TMEM132C: variants seen among roughly 807,000 people sequenced by gnomAD.
The protein encoded by TMEM132C is protein phosphatase 1, regulatory subunit 152.
Under a neutral mutation model 61.4 loss-of-function variants are expected in TMEM132C, and 29 were observed. The ratio of observed to expected loss-of-function variants is 0.47; its 90% confidence interval spans 0.35 to 0.64. The LOEUF (loss-of-function observed/expected upper bound fraction) is 0.64. TMEM132C is among the 30% of genes least tolerant of loss of function. The pLI is 0.00. For synonymous variants in TMEM132C, 656 were observed against 633.1 expected, an observed-to-expected ratio of 1.04 and a Z score of -0.54; for missense variants, 1,408 against 1,476.9, an observed-to-expected ratio of 0.95 and a Z score of 0.76.
intron 2 of TMEM132C, among the ~76,000 whole-genome samples, chr12:128,447,704 G>GTTTTT: frequency 2.2e-5 from 2 of 90,946 alleles, no homozygotes; most frequent in African/African-American, 1.3e-4. Flanking sequence ...TATTTCAAGT[G>GTTTTT]CTTTTTTTTT....
intron 1 of TMEM132C, among the ~76,000 whole-genome samples, chr12:128,300,688 T>C (rs1265388768): frequency 6.6e-6 from 1 of 152,146 alleles, no homozygotes; most frequent in Non-Finnish European, 1.5e-5. Context: ...CCTAGAAATA[T>C]GGAATCTTGG....
intron 1 of TMEM132C, among the ~76,000 whole-genome samples, chr12:128,299,622 T>C (rs1469405839): frequency 6.6e-6 from 1 of 152,186 alleles, no homozygotes; most frequent in East Asian, 1.9e-4. Context: ...AAATTTGAAA[T>C]TTGAAAACAA....
intron 4 of TMEM132C, among the ~76,000 whole-genome samples, chr12:128,659,970 C>A (rs924062341): frequency 6.6e-6 from 1 of 152,230 alleles, no homozygotes; most frequent in African/African-American, 2.4e-5. Context: ...CTCCACCGCG[C>A]TGCTGGCTTT....
chr12:128,380,755 A>AG (rs1233032635), intron 1 of TMEM132C, among the ~76,000 whole-genome samples: 2 of 152,246 alleles, frequency 1.3e-5, no homozygotes, highest in East Asian at 1.9e-4. Context: ...TTTAAAAAAA[A>AG]GAGTGTTTTA....
intron 2 of TMEM132C, among the ~76,000 whole-genome samples, chr12:128,516,371 A>G (rs866339132): frequency 2.2e-4 from 33 of 152,158 alleles, no homozygotes; most frequent in South Asian, 6.2e-4. Flanking sequence ...TGCACCAAGG[A>G]CTAAGCACTG....
At chr12:128,605,160 T>C (rs1433375952) in intron 3 of TMEM132C, among the ~76,000 whole-genome samples, 3 of 151,988 alleles carry the variant, frequency 2.0e-5, no homozygotes, top group African/African-American at 7.3e-5. Flanking sequence ...GATACATAGA[T>C]AATGAGGAGT....
intron 5 of TMEM132C, among the ~76,000 whole-genome samples, chr12:128,686,750 C>T (rs1237147880): frequency 6.6e-6 from 1 of 152,120 alleles, no homozygotes; most frequent in Non-Finnish European, 1.5e-5. Context: ...ACAAAACAGA[C>T]AAAAATCTCC....
At chr12:128,388,117 C>T (rs1215019550) in intron 1 of TMEM132C, among the ~76,000 whole-genome samples, 1 of 152,212 alleles carries the variant, frequency 6.6e-6, no homozygotes, top group South Asian at 2.1e-4. Context: ...CCAGGAAAAG[C>T]GTCTGGGCCA....
At chr12:128,340,904 TTCTCTCTCTCTTTCTC>T (rs1182289255) in intron 1 of TMEM132C, among the ~76,000 whole-genome samples, 32 of 122,456 alleles carry the variant, frequency 2.6e-4, no homozygotes, top group South Asian at 2.4e-3. Flanking sequence ...CTTTCTCTCT[TTCTCTCTCTCTTTCTC>T]TCTCTCTCTC....
intron 2 of TMEM132C, among the ~76,000 whole-genome samples, chr12:128,512,729 G>A (rs377008379): frequency 3.3e-5 from 5 of 152,264 alleles, no homozygotes; most frequent in East Asian, 3.9e-4. Context: ...TGAATTTGCC[G>A]CTGTGAAGTG....
intron 4 of TMEM132C, among the ~76,000 whole-genome samples, chr12:128,663,470 C>G (rs944931024): frequency 1.3e-5 from 2 of 152,314 alleles, no homozygotes; most frequent in Admixed American, 1.3e-4. Flanking sequence ...CATTTCCTCA[C>G]TCTTTTCTAC....
chr12:128,296,128 C>T (rs1871407220), intron 1 of TMEM132C, among the ~76,000 whole-genome samples: 6 of 152,164 alleles, frequency 3.9e-5, no homozygotes, highest in South Asian at 2.1e-4. Context: ...AGATGCAAAG[C>T]TTTTGGCCTG....
chr12:128,656,300 C>G (rs1178761376), intron 4 of TMEM132C, among the ~76,000 whole-genome samples: 1 of 152,174 alleles, frequency 6.6e-6, no homozygotes, highest in Admixed American at 6.5e-5. Context: ...ATCTGTCCAC[C>G]TCGGCCTCCC....
At chr12:128,541,082 C>G (rs112131274) in intron 2 of TMEM132C, among the ~76,000 whole-genome samples, 153 of 151,852 alleles carry the variant, frequency 1.0e-3, no homozygotes, top group African/African-American at 3.5e-3. Flanking sequence ...GTGGGGTTCC[C>G]ATGACCTCAT....
intron 3 of TMEM132C, among the ~76,000 whole-genome samples, chr12:128,596,068 G>T (rs1389454896): frequency 2.0e-5 from 3 of 152,090 alleles, no homozygotes; most frequent in African/African-American, 7.2e-5. Flanking sequence ...TGCCCCTTTT[G>T]CAGGTCCTGG....
chr12:128,533,116 G>A (rs1248195452), intron 2 of TMEM132C, among the ~76,000 whole-genome samples: 1 of 152,184 alleles, frequency 6.6e-6, no homozygotes, highest in East Asian at 1.9e-4. Context: ...CACTTGCAAA[G>A]GGCCAGCCCT....
intron 3 of TMEM132C, among the ~76,000 whole-genome samples, chr12:128,572,256 CTGGTCTCTGG>C (rs1874916076): frequency 6.8e-6 from 1 of 146,142 alleles, no homozygotes; most frequent in Non-Finnish European, 1.5e-5. Flanking sequence ...GTGGTCTCTG[CTGGTCTCTGG>C]TCAGGCCTGG....
At position 128,621,881 on chromosome 12, in the gene TMEM132C, C is replaced by T. The variant is rs553891807; in HGVS notation, c.1305+5546C>T. Among the ~76,000 whole-genome samples, 6 of 152,274 alleles carry T rather than the reference C, an allele frequency of 3.9e-5. No individual in the cohort carries two copies. In the East Asian group the frequency reaches 9.7e-4, roughly 25 times the overall value. On this transcript the variant is annotated intron_variant, in intron 4 of 8. Coordinates refer to ENST00000435159, the MANE Select transcript of TMEM132C (RefSeq NM_001136103.3). ...TGCACCATCCCTGGCTTTTTCCCTC[C>T]GTTATGCCCACAGCTCTATGGCTCA...
intron 1 of TMEM132C, among the ~76,000 whole-genome samples, chr12:128,368,451 T>C (rs1231414715): frequency 6.6e-6 from 1 of 152,204 alleles, no homozygotes; most frequent in East Asian, 1.9e-4. Flanking sequence ...TCTCCCTTCC[T>C]AAAGTAGCGA....
Sources: gnomAD v4.1 joint callset for allele counts (sites outside exome capture counted in the v4.1 genomes callset) on GRCh38, gnomAD v4.1.1 for gene constraint, MANE v1.5 for transcripts, NCBI Gene and HGNC (gene_info 2026-07-23, HGNC 2026-07-21) for gene names.